The following CCSER1 variants were observed in gnomAD, a reference collection of about 807,000 sequenced individuals.
CCSER1 encodes the protein coiled-coil serine rich protein 1, also known as serine-rich coiled-coil domain-containing protein 1.
In CCSER1, 41 loss-of-function variants were observed where a neutral mutation model predicts 82.0. That is an observed-to-expected ratio of 0.50 (90% CI 0.39 to 0.65). The LOEUF (loss-of-function observed/expected upper bound fraction) is 0.65, where lower values mean the gene tolerates loss of function less well. CCSER1 is among the 30% of genes least tolerant of loss of function. CCSER1 has a pLI of 0.00. For synonymous variants in CCSER1, 414 were observed against 383.9 expected, an observed-to-expected ratio of 1.08 and a Z score of -0.92; for missense variants, 1,119 against 1,064.2, an observed-to-expected ratio of 1.05 and a Z score of -0.72.
At chr4:91,399,932 T>C (rs1473162275) in intron 10 of CCSER1, among the ~76,000 whole-genome samples, 1 of 152,016 alleles carries the variant, frequency 6.6e-6, no homozygotes, top group East Asian at 1.9e-4. Context: ...TTATAAATTA[T>C]ATAGGTAGAA....
Position 90,309,088 on chromosome 4 carries a change from GTC to G in CCSER1, c.806_807del (p.Ser269Ter). ...EFLALTEDSV[S>X]EMDAFSKSGS... ...TTTTAGCCTTGACTGAAGATTCTGT[GTC>G]TGAAATGGATGCATTTTCTAAAAGT... is the stretch of plus-strand genomic sequence containing the variant. On this transcript the variant is annotated frameshift_variant, in exon 2 of 11. Coordinates refer to ENST00000509176, the MANE Select transcript of CCSER1 (RefSeq NM_001145065.2). LOFTEE classifies it high-confidence loss of function. 3 of 1,613,872 alleles carry G rather than the reference GTC, an allele frequency of 1.9e-6. No individual in the cohort carries two copies. Among genetic ancestry groups the G allele is most frequent in the Non-Finnish European group, 2.5e-6 (3 of 1,179,844 alleles).
chr4:90,819,616 T>G (rs1312480737), intron 8 of CCSER1, among the ~76,000 whole-genome samples: 1 of 152,186 alleles, frequency 6.6e-6, no homozygotes, highest in Non-Finnish European at 1.5e-5. Context: ...TATATTGATA[T>G]TATTTGGGTA....
chr4:90,634,677 G>A (rs1435795697), intron 6 of CCSER1, among the ~76,000 whole-genome samples: 1 of 151,702 alleles, frequency 6.6e-6, no homozygotes, highest in Admixed American at 6.6e-5. Flanking sequence ...GATAATTAGA[G>A]AAGGAAATGG....
chr4:90,433,869 G>GATAT lies in CCSER1; in HGVS notation c.1603+33755_1603+33758dup, dbSNP rs138999636. ...ATGTTCATAATTTTGATTTCCTGGAGATATATATATATATATATGCAAATT... is the reference window on the plus strand; with the variant it reads ...ATGTTCATAATTTTGATTTCCTGGAGATATATATATATATATATATATGCAAATT... On this transcript the variant is annotated intron_variant, in intron 4 of 10. Transcript: ENST00000509176. Among the ~76,000 whole-genome samples, 1,042 of 147,808 alleles carry GATAT rather than the reference G, an allele frequency of 7.0e-3. 9 individuals are homozygous for GATAT. The highest frequency in any genetic ancestry group is 0.053 in the East Asian group (267 of 5,046).
Position 90,309,513 on chromosome 4 carries a change from T to A in CCSER1, c.1229T>A (p.Ile410Asn). Reference protein sequence around the residue: ...HKAIAEHVKGIHPISDSKIIP... With the variant: ...HKAIAEHVKGNHPISDSKIIP... ...GCAATAGCGGAACATGTAAAAGGGA[T>A]CCATCCTATTTCAGATTCAAAGATA... is the stretch of plus-strand genomic sequence containing the variant. The change falls in exon 2 of 11, where the codon ATC (isoleucine) becomes AAC (asparagine). Residue 410 changes from isoleucine to asparagine, a missense_variant. Ile to Asn is a moderately radical substitution (Grantham distance 149). Coordinates refer to ENST00000509176, the MANE Select transcript of CCSER1 (RefSeq NM_001145065.2). 2 of 1,613,610 alleles carry A rather than the reference T, an allele frequency of 1.2e-6. No individual in the cohort carries two copies. The highest frequency in any genetic ancestry group is 8.5e-7 in the Non-Finnish European group (1 of 1,179,684).
intron 8 of CCSER1, among the ~76,000 whole-genome samples, chr4:90,860,862 G>A (rs980183276): frequency 6.6e-6 from 1 of 151,608 alleles, no homozygotes; most frequent in Admixed American, 6.6e-5. Context: ...ATGGAGGAGT[G>A]GGGAATGGGG....
At chr4:90,766,993 T>C (rs966708430) in intron 7 of CCSER1, among the ~76,000 whole-genome samples, 1 of 152,162 alleles carries the variant, frequency 6.6e-6, no homozygotes, top group Admixed American at 6.6e-5. Flanking sequence ...CTTATGTGAA[T>C]GTACTACTGA....
chr4:90,861,929 T>C (rs1382622075), intron 8 of CCSER1, among the ~76,000 whole-genome samples: 1 of 114,670 alleles, frequency 8.7e-6, no homozygotes, highest in African/African-American at 3.0e-5. Flanking sequence ...TATATATATT[T>C]TTTTTTTCTG....
intron 10 of CCSER1, among the ~76,000 whole-genome samples, chr4:91,142,909 A>T (rs1200041362): frequency 6.6e-6 from 1 of 151,966 alleles, no homozygotes; most frequent in African/African-American, 2.4e-5. Context: ...AATTTGGGTA[A>T]TGTAATCCCT....
chr4:90,162,596 T>TA (rs964857679), intron 1 of CCSER1, among the ~76,000 whole-genome samples: 8 of 150,764 alleles, frequency 5.3e-5, no homozygotes, highest in Non-Finnish European at 7.4e-5. Flanking sequence ...TATAGAAGTC[T>TA]AAAAAAAAAG....
At chr4:91,025,587 A>C (rs1339207242) in intron 9 of CCSER1, among the ~76,000 whole-genome samples, 1 of 152,082 alleles carries the variant, frequency 6.6e-6, no homozygotes, top group Non-Finnish European at 1.5e-5. Context: ...TACTACCTGA[A>C]GTCATTTTGT....
chr4:90,467,419 C>G (rs1430726312), intron 4 of CCSER1, among the ~76,000 whole-genome samples: 2 of 151,682 alleles, frequency 1.3e-5, no homozygotes, highest in African/African-American at 2.4e-5. Context: ...TGGCTGGTGG[C>G]TCATGCCTGT....
intron 10 of CCSER1, among the ~76,000 whole-genome samples, chr4:91,554,689 CA>C (rs1473216825): frequency 6.6e-6 from 1 of 150,736 alleles, no homozygotes; most frequent in Admixed American, 6.6e-5. Flanking sequence ...TATTAAAATG[CA>C]AAAAAATCCT....
At chr4:90,280,000 T>G (rs2153459867) in intron 1 of CCSER1, among the ~76,000 whole-genome samples, 1 of 152,170 alleles carries the variant, frequency 6.6e-6, no homozygotes, top group Middle Eastern at 3.4e-3. Flanking sequence ...TGATAGGAGT[T>G]AAGGGATCTC....
intron 7 of CCSER1, among the ~76,000 whole-genome samples, chr4:90,727,902 T>A (rs920196422): frequency 2.0e-5 from 3 of 152,196 alleles, no homozygotes; most frequent in African/African-American, 4.8e-5. Flanking sequence ...ATTATCCTAC[T>A]GTACTGTATT....
intron 10 of CCSER1, among the ~76,000 whole-genome samples, chr4:91,277,954 G>A (rs1050854742): frequency 4.6e-5 from 7 of 151,832 alleles, no homozygotes; most frequent in Non-Finnish European, 7.4e-5. Context: ...TTATTCAGGA[G>A]CATGTTGTTT....
At chr4:90,683,759 TA>T (rs1734304654) in intron 6 of CCSER1, among the ~76,000 whole-genome samples, 1 of 152,108 alleles carries the variant, frequency 6.6e-6, no homozygotes, top group Non-Finnish European at 1.5e-5. Context: ...AGTTTTTCTT[TA>T]AAATGGAGAT....
intron 6 of CCSER1, among the ~76,000 whole-genome samples, chr4:90,714,239 T>C (rs1470092322): frequency 6.6e-6 from 1 of 152,032 alleles, no homozygotes; most frequent in East Asian, 1.9e-4. Context: ...CCTTTTTCTA[T>C]CTATTTATTC....
At chr4:90,150,452 T>C (rs1726619983) in intron 1 of CCSER1, among the ~76,000 whole-genome samples, 1 of 152,144 alleles carries the variant, frequency 6.6e-6, no homozygotes, top group Non-Finnish European at 1.5e-5. Flanking sequence ...ATACTGCATC[T>C]TGCTGCTTTA....
Sources: allele counts gnomAD v4.1 joint callset (sites outside exome capture counted in the v4.1 genomes callset), GRCh38; gene constraint gnomAD v4.1.1; transcripts MANE v1.5; gene names NCBI Gene and HGNC (gene_info 2026-07-23, HGNC 2026-07-21).